Variants in DCX observed in about 807,000 individuals in gnomAD.
DCX encodes the protein doublecortin.
Under a neutral mutation model 20.9 loss-of-function variants are expected in DCX, and 4 were observed. The observed-to-expected ratio is 0.19, with a 90% CI of 0.09 to 0.44. The LOEUF (loss-of-function observed/expected upper bound fraction) is 0.44, where lower values mean the gene tolerates loss of function less well. Ranked by LOEUF, DCX falls within the 20% of genes least tolerant of loss-of-function variation. The pLI is 0.99. For synonymous variants in DCX, 103 were observed against 111.4 expected (o/e 0.92, Z 0.47); for missense variants, 133 against 296.9 (o/e 0.45, Z 4.06).
At chrX:111,385,482 C>T (rs1926323074) in intron 3 of DCX, among the ~76,000 whole-genome samples, 3 of 109,173 alleles carry the variant, frequency 2.7e-5, no homozygotes, top group Non-Finnish European at 3.8e-5. Context: ...ATGGTGAAAC[C>T]TCGTCTCTAC....
intron 3 of DCX, among the ~76,000 whole-genome samples, chrX:111,379,838 C>CT (rs1925830876): frequency 1.8e-5 from 2 of 110,872 alleles, no homozygotes; most frequent in South Asian, 7.6e-4. Flanking sequence ...TTCTTTCTTT[C>CT]TTTTTTTTAA....
At chrX:111,312,795 T>C (rs1196357857) in intron 5 of DCX, 59 bp from the exon 6 acceptor site, 17 of 1,082,648 alleles carry the variant, frequency 1.6e-5, no homozygotes, top group Non-Finnish European at 2.0e-5. Flanking sequence ...AAGGAGCAAG[T>C]TATCCTTCCC....
intron 2 of DCX, among the ~76,000 whole-genome samples, chrX:111,408,424 C>T (rs1224768368): frequency 1.8e-5 from 2 of 109,839 alleles, no homozygotes; most frequent in Non-Finnish European, 3.8e-5. Context: ...AGTTCAAGGC[C>T]AGCCTGACTA....
chrX:111,382,972 G>T (rs765845581), intron 3 of DCX, among the ~76,000 whole-genome samples: 4 of 111,368 alleles, frequency 3.6e-5, no homozygotes, highest in Non-Finnish European at 7.5e-5. Context: ...TGTATAGAAG[G>T]ATGAATCACA....
intron 3 of DCX, among the ~76,000 whole-genome samples, chrX:111,384,225 G>T (rs1405124845): frequency 9.0e-6 from 1 of 111,149 alleles, no homozygotes; most frequent in African/African-American, 3.3e-5. Flanking sequence ...CCTCTGTTGA[G>T]CTCACTATAC....
intron 5 of DCX, among the ~76,000 whole-genome samples, chrX:111,324,657 G>A (rs2095095303): frequency 1.8e-5 from 2 of 111,929 alleles, no homozygotes; most frequent in East Asian, 2.8e-4. Context: ...CAAGTAAAGC[G>A]ATTAGAACAG....
At chrX:111,378,198 C>A (rs1270733585) in intron 3 of DCX, among the ~76,000 whole-genome samples, 1 of 111,753 alleles carries the variant, frequency 8.9e-6, no homozygotes, top group Non-Finnish European at 1.9e-5. Flanking sequence ...ATCTGGGGAG[C>A]GGCCAACCAT....
intron 2 of DCX, among the ~76,000 whole-genome samples, chrX:111,407,800 A>ATG (rs1556404221): frequency 2.0e-4 from 11 of 55,076 alleles, no homozygotes; most frequent in Admixed American, 5.2e-4. Context: ...ATACATCAAT[A>ATG]CGCACACACA....
chrX:111,345,112 G>C lies in DCX; in HGVS notation c.706-11959C>G, dbSNP rs182859785. Among the ~76,000 whole-genome samples, 165 of 111,385 alleles carry C rather than the reference G, an allele frequency of 1.5e-3. 1 individual carries two copies. Among genetic ancestry groups the C allele is most frequent in the African/African-American group, 5.1e-3 (156 of 30,659 alleles). On this transcript the variant is annotated intron_variant, in intron 3 of 6. Coordinates refer to ENST00000636035, the MANE Select transcript of DCX (RefSeq NM_001195553.2). The stretch of plus-strand genomic sequence containing the variant: ...ACACATCTACAACCATCTGATCTTC[G>C]ACAAACCTGACAAAAACAAACAATG...
intron 3 of DCX, among the ~76,000 whole-genome samples, chrX:111,368,269 A>T (rs1924785396): frequency 8.9e-6 from 1 of 111,819 alleles, no homozygotes; most frequent in Non-Finnish European, 1.9e-5. Flanking sequence ...GCCTTTGGCC[A>T]CAAGGCTATA....
intron 3 of DCX, among the ~76,000 whole-genome samples, chrX:111,387,060 A>C (rs1926578594): frequency 9.0e-6 from 1 of 111,616 alleles, no homozygotes; most frequent in African/African-American, 3.3e-5. Context: ...TCTTAGACTA[A>C]ACCTTCAGTG....
intron 3 of DCX, among the ~76,000 whole-genome samples, chrX:111,365,087 T>A (rs760275581): frequency 3.6e-4 from 37 of 102,819 alleles, no homozygotes; most frequent in East Asian, 8.9e-4. Flanking sequence ...TATTATTATT[T>A]TTATTTTTAT....
chrX:111,410,281 T>G lies in DCX; in HGVS notation c.118A>C (p.Thr40Pro). 8.3e-7 allele frequency: 1 copy of G among 1,211,466 alleles called. No homozygotes were observed. Among genetic ancestry groups the G allele is most frequent in the Non-Finnish European group, 1.1e-6 (1 of 895,461 alleles). Reference sequence around the variant, plus strand: ...TTACTCAGTGCCTGCAAGGTTCTGGTTCGGTAGAAGCTACAGTGGGCGCTG... The same window carrying G: ...TTACTCAGTGCCTGCAAGGTTCTGGGTCGGTAGAAGCTACAGTGGGCGCTG... ...THSAHCSFYR[T>P]RTLQALSNEK... is the part of the protein sequence containing the mutation. Residue 40 changes from threonine (T) to proline (P), a missense_variant, in exon 2 of 7, where the codon ACC becomes CCC. Thr to Pro is a conservative substitution (Grantham distance 38). Transcript: ENST00000636035.
chrX:111,383,614 A>G (rs943355936), intron 3 of DCX, among the ~76,000 whole-genome samples: 2 of 111,354 alleles, frequency 1.8e-5, no homozygotes, highest in African/African-American at 3.3e-5. Context: ...AAGTTATATG[A>G]CCTAATATTG....
At chrX:111,363,291 G>A (rs1924356395) in intron 3 of DCX, among the ~76,000 whole-genome samples, 1 of 110,769 alleles carries the variant, frequency 9.0e-6, no homozygotes, top group Admixed American at 9.6e-5. Context: ...AGCCAATGGG[G>A]AGGGTGATCA....
chrX:111,347,478 G>T (rs906127933), intron 3 of DCX, among the ~76,000 whole-genome samples: 3 of 111,363 alleles, frequency 2.7e-5, no homozygotes, highest in African/African-American at 9.8e-5. Flanking sequence ...GCCTTGTGGG[G>T]CTTAGCTACA....
At chrX:111,303,114 G>T (rs374130548) in intron 6 of DCX, among the ~76,000 whole-genome samples, 18 of 104,540 alleles carry the variant, frequency 1.7e-4, no homozygotes, top group African/African-American at 6.4e-4. Context: ...TTTTGACAGA[G>T]TCCCTCTCTG....
Position 111,375,878 on chromosome X carries a change from C to T in DCX, c.705+25112G>A, listed in dbSNP as rs769106434. On this transcript the variant is annotated intron_variant, in intron 3 of 6. Coordinates refer to ENST00000636035, the MANE Select transcript of DCX (RefSeq NM_001195553.2). ...ACAGACTACCACAACAATCCAGCTT[C>T]CCTTCCTTTGCCTGCATTTCCTACG... Among the ~76,000 whole-genome samples the T allele has an allele frequency of 8.9e-5, 10 of 112,247 alleles. 1 individual carries two copies. Among genetic ancestry groups the T allele is most frequent in the Middle Eastern group, 4.6e-3 (1 of 216 alleles).
At chrX:111,303,245 G>A (rs1464364711) in intron 6 of DCX, among the ~76,000 whole-genome samples, 2 of 109,217 alleles carry the variant, frequency 1.8e-5, no homozygotes, top group Non-Finnish European at 3.8e-5. Context: ...CCACCACCAC[G>A]CCTGGCTAAT....
Sources: allele counts gnomAD v4.1 joint callset (sites outside exome capture counted in the v4.1 genomes callset), GRCh38; gene constraint gnomAD v4.1.1; transcripts MANE v1.5; gene names NCBI Gene and HGNC (gene_info 2026-07-23, HGNC 2026-07-21).